The following HS6ST3 variants were observed in gnomAD, a reference collection of about 807,000 sequenced individuals.
The protein encoded by HS6ST3 is heparan sulfate 6-O-sulfotransferase 3, also known as heparan-sulfate 6-O-sulfotransferase 3.
In HS6ST3, 12 loss-of-function variants were observed where a neutral mutation model predicts 36.7. The ratio of observed to expected loss-of-function variants is 0.33; its 90% CI spans 0.21 to 0.53. The LOEUF is 0.53. Ranked by LOEUF, HS6ST3 falls within the 20% of genes least tolerant of loss-of-function variation. The pLI, the probability that HS6ST3 is intolerant of heterozygous loss-of-function variation, is 0.95. For missense variants in HS6ST3, 584 were observed against 640.9 expected, an observed-to-expected ratio of 0.91 and a Z score of 0.96; for synonymous variants, 240 against 257.5, an observed-to-expected ratio of 0.93 and a Z score of 0.65.
At chr13:96,624,313 T>C (rs559229066) in intron 1 of HS6ST3, among the ~76,000 whole-genome samples, 82 of 152,370 alleles carry the variant, frequency 5.4e-4, no homozygotes, top group Admixed American at 4.3e-3. Flanking sequence ...GATTTTTGTA[T>C]GATTGATACC....
chr13:96,586,578 T>C (rs371905872), intron 1 of HS6ST3, among the ~76,000 whole-genome samples: 37 of 152,256 alleles, frequency 2.4e-4, no homozygotes, highest in African/African-American at 8.2e-4. Context: ...TTACAGGCAT[T>C]AGCCACCATA....
chr13:96,799,982 G>GTATATATATATGTGTGTA (rs1878016977), intron 1 of HS6ST3, among the ~76,000 whole-genome samples: 1 of 82,586 alleles, frequency 1.2e-5, no homozygotes, highest in African/African-American at 6.9e-5. Flanking sequence ...ATATATATAT[G>GTATATATATATGTGTGTA]TATATATATA....
rs2055891255 is a variant in HS6ST3, at chr13:96,481,796, A to G, written c.708-350694A>G. On this transcript the variant is annotated intron_variant, in intron 1 of 1. Transcript: ENST00000376705. ...CAGGCTTGCTGTGAGGTGGGATAAC[A>G]TTATGTGTGCCAAGTGCTTTGGAAA... 1.3e-5 allele frequency among the ~76,000 whole-genome samples: 2 copies of G among 152,254 alleles called. 1 individual carries two copies. Among genetic ancestry groups the G allele is most frequent in the Admixed American group, 1.3e-4 (2 of 15,294 alleles).
intron 1 of HS6ST3, among the ~76,000 whole-genome samples, chr13:96,658,050 G>T (rs746355532): frequency 3.3e-5 from 5 of 151,998 alleles, no homozygotes; most frequent in Non-Finnish European, 5.9e-5. Flanking sequence ...GATGATTTTT[G>T]ATTTCTGCCA....
chr13:96,755,672 G>T lies in HS6ST3; in HGVS notation c.708-76818G>T, dbSNP rs1267287788. ...GCCACCACACCCAGCTAATAGTTCAGTTTTTTATGCTGCTGAGGAGTATTG... is the reference window on the plus strand; with the variant it reads ...GCCACCACACCCAGCTAATAGTTCATTTTTTTATGCTGCTGAGGAGTATTG... On this transcript the variant is annotated intron_variant, in intron 1 of 1. Transcript: ENST00000376705. Among the ~76,000 whole-genome samples, 12 of 152,196 alleles carry T rather than the reference G, an allele frequency of 7.9e-5. No homozygotes were observed. In the East Asian group the frequency reaches 1.5e-3, roughly 20 times the overall value.
intron 1 of HS6ST3, among the ~76,000 whole-genome samples, chr13:96,314,594 T>TA (rs1337978578): frequency 6.6e-6 from 1 of 152,062 alleles, no homozygotes; most frequent in African/African-American, 2.4e-5. Context: ...TATTTTATGT[T>TA]AAAAAAATAG....
intron 1 of HS6ST3, among the ~76,000 whole-genome samples, chr13:96,110,096 A>G (rs2053860950): frequency 6.6e-6 from 1 of 152,132 alleles, no homozygotes; most frequent in Non-Finnish European, 1.5e-5. Flanking sequence ...ATTTTAAAGA[A>G]GAGAAGTTTA....
At chr13:96,270,965 T>C (rs1049956279) in intron 1 of HS6ST3, among the ~76,000 whole-genome samples, 2 of 151,978 alleles carry the variant, frequency 1.3e-5, no homozygotes, top group South Asian at 2.1e-4. Context: ...TCCAAGTCTT[T>C]AGGAAGTTTC....
At chr13:96,323,465 C>T (rs1212876119) in intron 1 of HS6ST3, among the ~76,000 whole-genome samples, 3 of 152,194 alleles carry the variant, frequency 2.0e-5, no homozygotes, top group African/African-American at 7.2e-5. Context: ...TTCCTAACTG[C>T]CCTCTTGACT....
At chr13:96,110,006 G>A (rs1470439247) in intron 1 of HS6ST3, among the ~76,000 whole-genome samples, 1 of 152,208 alleles carries the variant, frequency 6.6e-6, no homozygotes, top group East Asian at 1.9e-4. Flanking sequence ...AAAGCACAGA[G>A]GCAGAGCATA....
chr13:96,541,059 G>A (rs1012017007), intron 1 of HS6ST3, among the ~76,000 whole-genome samples: 1 of 152,078 alleles, frequency 6.6e-6, no homozygotes, highest in African/African-American at 2.4e-5. Flanking sequence ...TTCTAAGACA[G>A]TCTCACTCTC....
At chr13:96,468,119 C>A (rs1348850013) in intron 1 of HS6ST3, among the ~76,000 whole-genome samples, 1 of 152,136 alleles carries the variant, frequency 6.6e-6, no homozygotes, top group East Asian at 1.9e-4. Flanking sequence ...TTTAACCATA[C>A]CTTATTGTTG....
intron 1 of HS6ST3, among the ~76,000 whole-genome samples, chr13:96,633,453 A>G (rs1174652659): frequency 6.6e-6 from 1 of 152,160 alleles, no homozygotes; most frequent in African/African-American, 2.4e-5. Flanking sequence ...AAAACTTTAA[A>G]GTGGAAGAGA....
At chr13:96,218,791 G>A (rs1199354938) in intron 1 of HS6ST3, among the ~76,000 whole-genome samples, 1 of 152,094 alleles carries the variant, frequency 6.6e-6, no homozygotes, top group Non-Finnish European at 1.5e-5. Flanking sequence ...GAGTCTCTGT[G>A]TGTACCATTC....
intron 1 of HS6ST3, among the ~76,000 whole-genome samples, chr13:96,103,680 A>G (rs2053828182): frequency 6.6e-6 from 1 of 152,220 alleles, no homozygotes; most frequent in Non-Finnish European, 1.5e-5. Context: ...TTGATATAAA[A>G]TGGAAAAGGA....
At chr13:96,585,758 C>T (rs1431412700) in intron 1 of HS6ST3, among the ~76,000 whole-genome samples, 2 of 152,124 alleles carry the variant, frequency 1.3e-5, no homozygotes, top group African/African-American at 2.4e-5. Context: ...CAAATTCATC[C>T]ATGCTATAGC....
intron 1 of HS6ST3, among the ~76,000 whole-genome samples, chr13:96,773,972 A>G (rs1217928829): frequency 1.3e-5 from 2 of 152,198 alleles, no homozygotes; most frequent in Non-Finnish European, 2.9e-5. Flanking sequence ...TGAAGCTTCC[A>G]GAAGAAGGAA....
chr13:96,604,095 T>C (rs549319828), intron 1 of HS6ST3, among the ~76,000 whole-genome samples: 18 of 152,326 alleles, frequency 1.2e-4, no homozygotes, highest in African/African-American at 4.3e-4. Context: ...CATTTCAAGT[T>C]AAATATAGGA....
intron 1 of HS6ST3, among the ~76,000 whole-genome samples, chr13:96,363,856 G>A (rs1288383067): frequency 6.6e-6 from 1 of 151,978 alleles, no homozygotes; most frequent in African/African-American, 2.4e-5. Context: ...TAAATATTAT[G>A]TAATGAATTT....
Sources: allele counts gnomAD v4.1 joint callset (sites outside exome capture counted in the v4.1 genomes callset), GRCh38; gene constraint gnomAD v4.1.1; transcripts MANE v1.5; gene names NCBI Gene and HGNC (gene_info 2026-07-23, HGNC 2026-07-21).